THAP1: variants seen among roughly 807,000 people sequenced by gnomAD.
The protein encoded by THAP1 is THAP domain containing 1, also known as THAP domain-containing protein 1.
A neutral mutation model predicts 18.2 loss-of-function variants in THAP1; 6 were observed. The observed-to-expected ratio is 0.33, with a 90% CI of 0.18 to 0.65. THAP1 has a LOEUF of 0.65. Among genes scored for constraint, THAP1 ranks in the 30% least tolerant of loss-of-function variants. THAP1 has a pLI of 0.74. For synonymous variants in THAP1, 85 were observed against 90.5 expected (o/e 0.94, Z 0.34); for missense variants, 176 against 253.0 (o/e 0.70, Z 2.06).
chr8:42,839,470 T>G (rs1802676526), intron 1 of THAP1, 89 bp from the exon 2 acceptor site: 2 of 1,284,148 alleles, frequency 1.6e-6, no homozygotes, highest in African/African-American at 3.0e-5. Context: ...ATATCTTACA[T>G]TGGTATTAAA....
Position 42,839,318 on chromosome 8 carries a change from A to G in THAP1, c.135T>C (p.Phe45=), listed in dbSNP as rs1563644836. The stretch of plus-strand genomic sequence containing the variant: ...AAATACTGCTATACTTGGTGGGTTT[A>G]AAGTTTTTTCTTCTGACAGCTGCCT... The part of the protein sequence containing the change: ...EWEAAVRRKN[F]KPTKYSSICS... Residue 45 remains phenylalanine, a synonymous_variant, in exon 2 of 3, where the codon TTT becomes TTC. Coordinates refer to ENST00000254250, the MANE Select transcript of THAP1 (RefSeq NM_018105.3). 6.2e-7 allele frequency: 1 copy of G among 1,614,090 alleles called. No individual in the cohort carries two copies. The highest frequency in any genetic ancestry group is 8.5e-7 in the Non-Finnish European group (1 of 1,179,994).
intron 2 of THAP1, 84 bp downstream of exon 2, chr8:42,839,102 C>G (rs759998678): frequency 6.8e-7 from 1 of 1,462,186 alleles, no homozygotes; most frequent in Non-Finnish European, 9.6e-7. Context: ...TCTCTTAACA[C>G]TAACTCAATT....
At position 42,837,827 on chromosome 8, in the gene THAP1, ATTT is replaced by A; in HGVS notation, c.*132_*134del. The stretch of plus-strand genomic sequence containing the variant: ...TTTATAATTTTACAGTATATATAGA[ATTT>A]TTTTTAAAAAAATATTCTGAACTGT... On this transcript the variant is annotated 3_prime_UTR_variant, in exon 3 of 3. Transcript: ENST00000254250. The A allele has an allele frequency of 1.0e-6, 1 of 973,974 alleles. No individual in the cohort carries two copies. The highest frequency in any genetic ancestry group is 2.8e-5 in the East Asian group (1 of 35,144). 60.3% of individuals were successfully genotyped at this position (973,974 alleles called of 1,614,324 possible). A position where few individuals can be genotyped will look rare whatever the true frequency, so the allele number is the denominator to read the frequency against.
At chr8:42,842,031 T>C (rs1422548064) in intron 1 of THAP1, among the ~76,000 whole-genome samples, 2 of 152,228 alleles carry the variant, frequency 1.3e-5, no homozygotes, top group African/African-American at 4.8e-5. Flanking sequence ...CTTTTGTAAT[T>C]ATTTACCTAA....
chr8:42,839,346 C>T lies in THAP1; in HGVS notation c.107G>A (p.Trp36Ter). ...GTTTTTTCTTCTGACAGCTGCCTCC[C>T]ATTCTTTACAAAGACTGGGTCGAGT... is the stretch of plus-strand genomic sequence containing the variant. ...PLTRPSLCKEWEAAVRRKNFK... is the reference protein window; with the variant it reads ...PLTRPSLCKE The change falls in exon 2 of 3, where the codon TGG becomes TAG. Residue 36 changes from tryptophan (W) to a stop codon, truncating the protein, a stop_gained. Coordinates refer to ENST00000254250, the MANE Select transcript of THAP1 (RefSeq NM_018105.3). LOFTEE classifies it high-confidence loss of function. 6.2e-7 allele frequency: 1 copy of T among 1,614,030 alleles called. No individual in the cohort carries two copies. Among genetic ancestry groups the T allele is most frequent in the South Asian group, 1.1e-5 (1 of 91,076 alleles).
rs1563644479 is a variant in THAP1 at position 42,838,330 on chromosome 8, C to A, written c.274G>T (p.Asp92Tyr). Residue 92 changes from aspartate (D) to tyrosine (Y), a missense_variant, in exon 3 of 3, where the codon GAT (aspartate) becomes TAT (tyrosine). Physicochemically the swap from Asp to Tyr is radical, Grantham distance 160. Transcript: ENST00000254250. ...LCTEPHDKKE[D>Y]LLEPQEQLPP... ...AGCTGTTCCTGTGGCTCCAGAAGATCTTCTTTCTAAAACAAAAATACAAAG... is the reference window on the plus strand; with the variant it reads ...AGCTGTTCCTGTGGCTCCAGAAGATATTCTTTCTAAAACAAAAATACAAAG... 1.2e-6 allele frequency: 2 copies of A among 1,613,550 alleles called. No homozygotes were observed. The highest frequency in any genetic ancestry group is 1.7e-6 in the Non-Finnish European group (2 of 1,179,862).
chr8:42,843,042 T>C lies in THAP1; in HGVS notation c.53A>G (p.Lys18Arg). 3.1e-6 allele frequency: 5 copies of C among 1,613,670 alleles called. No individual in the cohort carries two copies. Among genetic ancestry groups the C allele is most frequent in the Non-Finnish European group, 4.2e-6 (5 of 1,179,744 alleles). Residue 18 changes from lysine to arginine, a missense_variant, in exon 1 of 3, where the codon AAG becomes AGG. By Grantham distance (26) the Lys-to-Arg change is conservative. Transcript: ENST00000254250. ...TCCTCACTTGTGGAAAGAAACGGGC[T>C]TGTCCTTGTCGTAGCGGTTCTTGCA... is the stretch of plus-strand genomic sequence containing the variant. ...YGCKNRYDKD[K>R]PVSFHKFPLT...
At chr8:42,838,385 T>G in intron 2 of THAP1, 49 bp from the exon 3 acceptor site, 1 of 1,604,828 alleles carries the variant, frequency 6.2e-7, no homozygotes, top group Middle Eastern at 1.7e-4. Context: ...TAAAAACAGT[T>G]TAAAAGAATC....
intron 1 of THAP1, among the ~76,000 whole-genome samples, chr8:42,841,343 C>T (rs1395132014): frequency 7.0e-6 from 1 of 143,386 alleles, no homozygotes; most frequent in Non-Finnish European, 1.5e-5. Flanking sequence ...ACTCTGTTAC[C>T]CAAGCTGGAG....
In THAP1 at chr8:42,843,160, G is replaced by C. The variant is rs1802760685; in HGVS notation, c.-66C>G. On this transcript the variant is annotated 5_prime_UTR_variant, in exon 1 of 3. Transcript: ENST00000254250. Reference sequence around the variant, plus strand: ...GGCAGGGGAAGCTGTTCTCAGTGTCGCTGCGCTCGGTTGGATTCCCTCGCT... The same window carrying C: ...GGCAGGGGAAGCTGTTCTCAGTGTCCCTGCGCTCGGTTGGATTCCCTCGCT... 6.3e-7 allele frequency: 1 copy of C among 1,590,036 alleles called. No individual in the cohort carries two copies. Among genetic ancestry groups the C allele is most frequent in the South Asian group, 1.1e-5 (1 of 90,610 alleles).
Position 42,836,810 on chromosome 8 carries a change from A to G in THAP1, c.*1152T>C, listed in dbSNP as rs1291841569. On this transcript the variant is annotated 3_prime_UTR_variant, in exon 3 of 3. Coordinates refer to ENST00000254250, the MANE Select transcript of THAP1 (RefSeq NM_018105.3). ...ATCTAAAAAGATAACTCCCATAGCA[A>G]TATTTGTTTACTCAGAACATATTTT... 6.6e-6 allele frequency: 1 copy of G among 152,552 alleles called. No individual in the cohort carries two copies. Among genetic ancestry groups the G allele is most frequent in the African/African-American group, 2.4e-5 (1 of 41,450 alleles). 9.4% of individuals were successfully genotyped at this position (152,552 alleles called of 1,614,324 possible).
chr8:42,838,849 A>G (rs1047623505), intron 2 of THAP1, among the ~76,000 whole-genome samples: 7 of 152,190 alleles, frequency 4.6e-5, no homozygotes, highest in African/African-American at 1.7e-4. Context: ...AAGAGACAAA[A>G]TGAATCATCA....
At chr8:42,841,093 G>A (rs1259732232) in intron 1 of THAP1, among the ~76,000 whole-genome samples, 1 of 151,644 alleles carries the variant, frequency 6.6e-6, no homozygotes, top group Non-Finnish European at 1.5e-5. Context: ...TATAAACTAT[G>A]GTAGCATTTG....
intron 1 of THAP1, among the ~76,000 whole-genome samples, chr8:42,840,965 C>CAAAAAAAAAAA (rs1029278824): frequency 2.1e-5 from 1 of 47,058 alleles, no homozygotes; most frequent in Non-Finnish European, 4.4e-5. Flanking sequence ...GACTCCATCT[C>CAAAAAAAAAAA]AAAAAAAAAA....
chr8:42,838,471 G>T, intron 2 of THAP1, 135 bp from the exon 3 acceptor site: 1 of 1,160,416 alleles, frequency 8.6e-7, no homozygotes, highest in Non-Finnish European at 1.2e-6. Context: ...CGGATCACCT[G>T]AGGTCAGGAG....
intron 1 of THAP1, 119 bp from the exon 2 acceptor site, chr8:42,839,500 C>A (rs1339825778): frequency 1.9e-6 from 2 of 1,039,742 alleles, no homozygotes; most frequent in Non-Finnish European, 2.8e-6. Context: ...ATTGTATTAT[C>A]CTATTGGATT....
intron 1 of THAP1, among the ~76,000 whole-genome samples, chr8:42,841,315 T>A (rs1200977623): frequency 1.4e-5 from 2 of 147,726 alleles, no homozygotes. Context: ...TTTTTTTTTT[T>A]TTTTGAGATG....
At chr8:42,839,696 G>A (rs187465688) in intron 1 of THAP1, among the ~76,000 whole-genome samples, 4 of 152,204 alleles carry the variant, frequency 2.6e-5, no homozygotes, top group East Asian at 3.9e-4. Context: ...TCAGGCGTGC[G>A]CCACCACGCC....
chr8:42,842,902 G>T (rs1190962630), intron 1 of THAP1, 122 bp downstream of exon 1: 6 of 761,576 alleles, frequency 7.9e-6, no homozygotes, highest in Non-Finnish European at 8.5e-6. Context: ...CGCCCGACAC[G>T]GCCGGCCCCA....
Sources: gnomAD v4.1 joint callset for allele counts (sites outside exome capture counted in the v4.1 genomes callset) on GRCh38, gnomAD v4.1.1 for gene constraint, MANE v1.5 for transcripts, NCBI Gene and HGNC (gene_info 2026-07-23, HGNC 2026-07-21) for gene names.